The following PITPNC1 variants were observed in gnomAD, a reference collection of about 807,000 sequenced individuals.
The protein encoded by PITPNC1 is phosphatidylinositol transfer protein cytoplasmic 1.
PITPNC1 carries 18 observed loss-of-function variants against 44.7 expected under a neutral mutation model. The ratio of observed to expected loss-of-function variants is 0.40; its 90% CI spans 0.28 to 0.60. The LOEUF is 0.60. Ranked by LOEUF, PITPNC1 falls within the 20% of genes least tolerant of loss-of-function variation. The pLI is 0.39. For missense variants in PITPNC1, 290 were observed against 418.4 expected, an observed-to-expected ratio of 0.69 and a Z score of 2.68; for synonymous variants, 141 against 149.6, an observed-to-expected ratio of 0.94 and a Z score of 0.42.
At chr17:67,488,220 A>G (rs1051238894) in intron 1 of PITPNC1, among the ~76,000 whole-genome samples, 2 of 152,246 alleles carry the variant, frequency 1.3e-5, no homozygotes, top group Non-Finnish European at 2.9e-5. Context: ...TTTGGGAATC[A>G]GAAAAAGTCC....
intron 6 of PITPNC1, among the ~76,000 whole-genome samples, chr17:67,643,360 T>C (rs968865358): frequency 1.3e-5 from 2 of 152,144 alleles, no homozygotes; most frequent in African/African-American, 4.8e-5. Flanking sequence ...CACTCCAGCC[T>C]GGACAACAGA....
chr17:67,585,574 G>A (rs896037969), intron 5 of PITPNC1, among the ~76,000 whole-genome samples: 6 of 152,070 alleles, frequency 3.9e-5, no homozygotes, highest in Admixed American at 1.3e-4. Context: ...AGGCTGAGGC[G>A]GGCGGATCGC....
At chr17:67,502,176 G>A (rs2040040102) in intron 1 of PITPNC1, among the ~76,000 whole-genome samples, 1 of 152,254 alleles carries the variant, frequency 6.6e-6, no homozygotes, top group East Asian at 1.9e-4. Flanking sequence ...TTTGTGTGGT[G>A]AAGTAAACGA....
chr17:67,450,019 C>T (rs953664247), intron 1 of PITPNC1, among the ~76,000 whole-genome samples: 4 of 152,172 alleles, frequency 2.6e-5, no homozygotes, highest in Admixed American at 1.3e-4. Context: ...AACTGCTTGT[C>T]TGTCTGGCAA....
In PITPNC1 at chr17:67,619,404, C is replaced by T. The variant is rs149871418; in HGVS notation, c.367-12739C>T. Among the ~76,000 whole-genome samples the T allele has an allele frequency of 2.7e-3, 412 of 152,254 alleles. 1 individual carries two copies. Among genetic ancestry groups the T allele is most frequent in the African/African-American group, 9.8e-3 (406 of 41,546 alleles). On this transcript the variant is annotated intron_variant, in intron 5 of 8. Transcript: ENST00000581322. Reference sequence around the variant, plus strand: ...CCCTTCCCGACACCATGAATACCCACGTTTTTTAATCGGCTCCCTCAAGGT... The same window carrying T: ...CCCTTCCCGACACCATGAATACCCATGTTTTTTAATCGGCTCCCTCAAGGT...
rs147010035 is a variant in PITPNC1 at position 67,502,947 on chromosome 17, C to T, written c.49-29855C>T. On this transcript the variant is annotated intron_variant, in intron 1 of 8. Coordinates refer to ENST00000581322, the MANE Select transcript of PITPNC1 (RefSeq NM_012417.4). ...TAGCTGGGATTACAGGTGCATGCCA[C>T]CACTACGCCCAGCTAATTTTTGTAT... is the stretch of plus-strand genomic sequence containing the variant. 5.0e-4 allele frequency among the ~76,000 whole-genome samples: 76 copies of T among 152,158 alleles called. 1 individual carries two copies. In the East Asian group the frequency reaches 0.014, roughly 28 times the overall value.
At chr17:67,636,960 C>G (rs1410475138) in intron 6 of PITPNC1, among the ~76,000 whole-genome samples, 1 of 152,222 alleles carries the variant, frequency 6.6e-6, no homozygotes, top group Non-Finnish European at 1.5e-5. Context: ...TCAGCTCACA[C>G]AGGACTCCCC....
intron 1 of PITPNC1, among the ~76,000 whole-genome samples, chr17:67,448,447 G>A (rs1258644431): frequency 4.6e-5 from 7 of 152,156 alleles, no homozygotes; most frequent in Admixed American, 4.6e-4. Context: ...AGGAGAGGGT[G>A]CAGAGACTTC....
chr17:67,689,306 A>G (rs184629768), intron 8 of PITPNC1, among the ~76,000 whole-genome samples: 5 of 152,344 alleles, frequency 3.3e-5, no homozygotes, highest in African/African-American at 4.8e-5. Flanking sequence ...GGTTCTTCCC[A>G]TGGAAAAGCC....
Position 67,432,211 on chromosome 17 carries a change from C to T in PITPNC1, c.48+54009C>T, listed in dbSNP as rs1198970832. Among the ~76,000 whole-genome samples the T allele has an allele frequency of 3.9e-5, 6 of 152,128 alleles. No individual in the cohort carries two copies. In the East Asian group the frequency reaches 9.6e-4, roughly 24 times the overall value. On this transcript the variant is annotated intron_variant, in intron 1 of 8. Transcript: ENST00000581322. ...ACATATAAAATACACTAACACTGGCCGGGTGCGGTGGCTCACGCCTGTAAT... is the reference window on the plus strand; with the variant it reads ...ACATATAAAATACACTAACACTGGCTGGGTGCGGTGGCTCACGCCTGTAAT...
intron 1 of PITPNC1, among the ~76,000 whole-genome samples, chr17:67,482,858 G>A (rs1021674516): frequency 6.6e-6 from 1 of 152,178 alleles, no homozygotes; most frequent in African/African-American, 2.4e-5. Flanking sequence ...TGCCTGCTTT[G>A]ACAGATGAGG....
At position 67,425,197 on chromosome 17, in the gene PITPNC1, GCA is replaced by G. The variant is rs60303181; in HGVS notation, c.48+46999_48+47000del. On this transcript the variant is annotated intron_variant, in intron 1 of 8. Transcript: ENST00000581322. ...AAACAGCCATGTTGTGCGCGCGCACGCACACGCACACACACACACACACACAC... is the reference window on the plus strand; with the variant it reads ...AAACAGCCATGTTGTGCGCGCGCACGCACGCACACACACACACACACACAC... 2.3e-4 allele frequency among the ~76,000 whole-genome samples: 23 copies of G among 98,470 alleles called. 1 individual carries two copies. Among genetic ancestry groups the G allele is most frequent in the Admixed American group, 2.1e-3 (19 of 8,982 alleles). The allele number at this position is 98,470 out of a possible 152,430, so 64.6% of individuals were successfully genotyped here. A position where few individuals can be genotyped will look rare whatever the true frequency, so the allele number is the denominator to read the frequency against.
intron 5 of PITPNC1, among the ~76,000 whole-genome samples, chr17:67,596,674 C>T (rs1049123076): frequency 6.6e-6 from 1 of 152,042 alleles, no homozygotes; most frequent in African/African-American, 2.4e-5. Context: ...CCACGCCTGG[C>T]TTGAGAGATG....
intron 1 of PITPNC1, among the ~76,000 whole-genome samples, chr17:67,430,141 C>A (rs187549493): frequency 6.6e-6 from 1 of 152,182 alleles, no homozygotes; most frequent in East Asian, 1.9e-4. Flanking sequence ...GTTCTGAATG[C>A]GCAGGAGTTT....
At chr17:67,551,713 T>A (rs1644066025) in intron 2 of PITPNC1, among the ~76,000 whole-genome samples, 1 of 152,212 alleles carries the variant, frequency 6.6e-6, no homozygotes, top group African/African-American at 2.4e-5. Flanking sequence ...GAGATTAAGA[T>A]GTGGATCCAT....
At chr17:67,545,560 A>G (rs531889914) in intron 2 of PITPNC1, among the ~76,000 whole-genome samples, 1 of 141,570 alleles carries the variant, frequency 7.1e-6, no homozygotes, top group South Asian at 2.2e-4. Context: ...TGGGTGACAG[A>G]GCAAGACTCT....
At chr17:67,568,159 CATTCGGCCA>C (rs1416909367) in intron 4 of PITPNC1, among the ~76,000 whole-genome samples, 3 of 152,126 alleles carry the variant, frequency 2.0e-5, no homozygotes, top group African/African-American at 7.2e-5. Context: ...AATGGACTAT[CATTCGGCCA>C]GAAAAAGGAA....
At chr17:67,432,538 A>C (rs905311892) in intron 1 of PITPNC1, among the ~76,000 whole-genome samples, 1 of 152,142 alleles carries the variant, frequency 6.6e-6, no homozygotes, top group Admixed American at 6.6e-5. Flanking sequence ...TAATAAAATA[A>C]AATAAAACTA....
chr17:67,401,165 C>A (rs1220712083), intron 1 of PITPNC1, among the ~76,000 whole-genome samples: 1 of 152,182 alleles, frequency 6.6e-6, no homozygotes, highest in African/African-American at 2.4e-5. Flanking sequence ...AAACTCCTGA[C>A]CTCAAGTGAT....
Sources: allele counts gnomAD v4.1 joint callset (sites outside exome capture counted in the v4.1 genomes callset), GRCh38; gene constraint gnomAD v4.1.1; transcripts MANE v1.5; gene names NCBI Gene and HGNC (gene_info 2026-07-23, HGNC 2026-07-21).